The following ATP11A variants were observed in gnomAD, a reference collection of about 807,000 sequenced individuals.
ATP11A encodes the protein phospholipid-transporting ATPase IH.
In ATP11A, 81 loss-of-function variants were observed where a neutral mutation model predicts 154.4. The ratio of observed to expected loss-of-function variants is 0.52; its 90% CI spans 0.44 to 0.63. ATP11A has a LOEUF of 0.63. ATP11A is among the 30% of genes least tolerant of loss of function. The pLI is 0.00. For synonymous variants in ATP11A, 623 were observed against 585.9 expected, an observed-to-expected ratio of 1.06 and a Z score of -0.91; for missense variants, 1,316 against 1,474.3, an observed-to-expected ratio of 0.89 and a Z score of 1.76.
At chr13:112,711,152 C>T (rs1487322959) in intron 1 of ATP11A, among the ~76,000 whole-genome samples, 2 of 152,202 alleles carry the variant, frequency 1.3e-5, no homozygotes, top group African/African-American at 4.8e-5. Context: ...AGCTGGGCCG[C>T]GTGCGGCTCT....
intron 1 of ATP11A, among the ~76,000 whole-genome samples, chr13:112,724,694 C>A (rs1037397942): frequency 6.6e-6 from 1 of 152,198 alleles, no homozygotes; most frequent in East Asian, 1.9e-4. Context: ...GGCCGGCCCC[C>A]CCCCAGGAAG....
chr13:112,738,881 C>CT (rs34295236), intron 1 of ATP11A, among the ~76,000 whole-genome samples: 37,189 of 151,996 alleles, frequency 0.24, 6,076 homozygotes, highest in African/African-American at 0.46. Context: ...CTGGGGCCTG[C>CT]TGTATGTCTT....
At chr13:112,868,692 T>C (rs1314270381) in intron 25 of ATP11A, among the ~76,000 whole-genome samples, 4 of 152,160 alleles carry the variant, frequency 2.6e-5, no homozygotes, top group Non-Finnish European at 5.9e-5. Context: ...CTGATGGAAA[T>C]AACGACCAGC....
chr13:112,853,048 C>G (rs1051747928), intron 18 of ATP11A, among the ~76,000 whole-genome samples: 17 of 151,936 alleles, frequency 1.1e-4, no homozygotes, highest in African/African-American at 3.9e-4. Flanking sequence ...TAGTGAGATC[C>G]CATCTCTTGA....
chr13:112,858,386 A>G (rs1436260688), intron 22 of ATP11A, 96 bp downstream of exon 22: 11 of 1,301,136 alleles, frequency 8.5e-6, no homozygotes, highest in Admixed American at 2.4e-5. Flanking sequence ...ACAAGAGGTC[A>G]TTGATCTCCG....
In ATP11A at chr13:112,884,197, T is replaced by A. The variant is rs1436326941; in HGVS notation, c.*2331T>A. The A allele has an allele frequency of 1.4e-5, 2 of 142,808 alleles. No homozygotes were observed. Among genetic ancestry groups the A allele is most frequent in the Non-Finnish European group, 2.9e-5 (2 of 67,978 alleles). 8.8% of individuals were successfully genotyped at this position (142,808 alleles called of 1,614,324 possible). On this transcript the variant is annotated 3_prime_UTR_variant, in exon 30 of 30. Coordinates refer to ENST00000375645, the MANE Select transcript of ATP11A (RefSeq NM_015205.3). ...TCTTGGTATTTCTGGTGGCAGTGAT[T>A]AGTTGAACAGCACATTTAAGGCACG...
intron 8 of ATP11A, among the ~76,000 whole-genome samples, chr13:112,821,576 A>G (rs954853049): frequency 3.3e-5 from 5 of 152,162 alleles, no homozygotes; most frequent in African/African-American, 9.7e-5. Context: ...CTCCTAGAGT[A>G]TTGGGATTAT....
At chr13:112,823,561 G>A (rs2078856471) in intron 9 of ATP11A, 152 bp downstream of exon 9, 2 of 614,996 alleles carry the variant, frequency 3.3e-6, no homozygotes, top group Middle Eastern at 5.2e-4. Context: ...ACTGAGATTT[G>A]ATCAGTGAAT....
rs942213781 is a variant in ATP11A, at chr13:112,884,989, CAT to C, written c.*3126_*3127del. On this transcript the variant is annotated 3_prime_UTR_variant, in exon 30 of 30. Transcript: ENST00000375645. Reference sequence around the variant, plus strand: ...GGGGGCTTGCACACAGGATCACTCACATATGTACATGTACCCACCACAAACGT... The same window carrying C: ...GGGGGCTTGCACACAGGATCACTCACATGTACATGTACCCACCACAAACGT... 3.3e-5 allele frequency: 5 copies of C among 152,440 alleles called. No homozygotes were observed. Among genetic ancestry groups the C allele is most frequent in the African/African-American group, 1.2e-4 (5 of 41,474 alleles). The allele number at this position is 152,440 out of a possible 1,614,324, so 9.4% of individuals were successfully genotyped here. A position where few individuals can be genotyped will look rare whatever the true frequency, so the allele number is the denominator to read the frequency against.
chr13:112,695,528 C>T (rs918372563), intron 1 of ATP11A, among the ~76,000 whole-genome samples: 13 of 152,178 alleles, frequency 8.5e-5, no homozygotes, highest in Non-Finnish European at 1.6e-4. Context: ...GAACAAGCAT[C>T]TTGAGGTGCT....
At chr13:112,718,731 C>T (rs1332362054) in intron 1 of ATP11A, among the ~76,000 whole-genome samples, 8 of 149,368 alleles carry the variant, frequency 5.4e-5, no homozygotes, top group African/African-American at 1.7e-4. Flanking sequence ...AGGGCAATAG[C>T]ACGATCTTGG....
intron 1 of ATP11A, among the ~76,000 whole-genome samples, chr13:112,741,849 G>GCT (rs1891586546): frequency 6.6e-6 from 1 of 150,944 alleles, no homozygotes; most frequent in Admixed American, 6.6e-5. Flanking sequence ...AGTAAAGAGT[G>GCT]CTCTGCTCCC....
intron 1 of ATP11A, among the ~76,000 whole-genome samples, chr13:112,707,010 G>A (rs1458110661): frequency 6.6e-6 from 1 of 152,172 alleles, no homozygotes; most frequent in Non-Finnish European, 1.5e-5. Context: ...TTTCTTATTC[G>A]AGTTAAGAAT....
At chr13:112,870,189 C>A (rs1455626201) in intron 25 of ATP11A, among the ~76,000 whole-genome samples, 1 of 152,186 alleles carries the variant, frequency 6.6e-6, no homozygotes, top group Admixed American at 6.5e-5. Context: ...TTGATGGGGG[C>A]CCCTAAGAAG....
At position 112,754,918 on chromosome 13, in the gene ATP11A, C is replaced by T. The variant is rs760710859; in HGVS notation, c.40-30217C>T. Among the ~76,000 whole-genome samples, 3 of 152,232 alleles carry T rather than the reference C, an allele frequency of 2.0e-5. No individual in the cohort carries two copies. The highest frequency in any genetic ancestry group is 2.9e-5 in the Non-Finnish European group (2 of 68,046). ...CCTCCTAGACACCCTGCACTTGCCC[C>T]TCCCGAGCGCGTGTGCCTGACCTGC... On this transcript the variant is annotated intron_variant, in intron 1 of 29. Transcript: ENST00000375645. This position sits in a 1 kb window ranked among gnomAD's most constrained non-coding sequence, Gnocchi z 5.3.
chr13:112,826,041 G>GT lies in ATP11A; in HGVS notation c.1023+461_1023+462insT. Among the ~76,000 whole-genome samples the GT allele has an allele frequency of 1.3e-5, 2 of 151,938 alleles. 1 individual carries two copies. Among genetic ancestry groups the GT allele is most frequent in the South Asian group, 4.2e-4 (2 of 4,790 alleles). On this transcript the variant is annotated intron_variant, in intron 11 of 29. Transcript: ENST00000375645. ...TCCACTGACCCTAGAGCAGGGCCAT[G>GT]AACAAACCCAGACCCATATCCACTG...
At chr13:112,860,579 C>A in intron 24 of ATP11A, 165 bp downstream of exon 24, 1 of 740,284 alleles carries the variant, frequency 1.4e-6, no homozygotes, top group Non-Finnish European at 2.2e-6. Flanking sequence ...CTGGAAGCAA[C>A]ATAGCTCAAA....
intron 1 of ATP11A, among the ~76,000 whole-genome samples, chr13:112,751,820 A>G (rs426619): frequency 0.066 from 9,918 of 150,824 alleles, 417 homozygotes; most frequent in African/African-American, 0.091. Flanking sequence ...GCCTGGTTCC[A>G]GTGATTCTCC....
rs547299397 is a variant in ATP11A, at chr13:112,695,259, A to C, written c.39+4804A>C. On this transcript the variant is annotated intron_variant, in intron 1 of 29. Coordinates refer to ENST00000375645, the MANE Select transcript of ATP11A (RefSeq NM_015205.3). The stretch of plus-strand genomic sequence containing the variant: ...AAGTGAATCCTGAGGCATAGAATCC[A>C]AGACTAATAATCTGTCTCCAGCAGT... Among the ~76,000 whole-genome samples, 115 of 152,376 alleles carry C rather than the reference A, an allele frequency of 7.5e-4. 1 individual carries two copies. Among genetic ancestry groups the C allele is most frequent in the Admixed American group, 1.7e-3 (26 of 15,306 alleles).
Sources: allele counts gnomAD v4.1 joint callset (sites outside exome capture counted in the v4.1 genomes callset), GRCh38; gene constraint gnomAD v4.1.1; non-coding constraint Gnocchi (gnomAD v3.1); transcripts MANE v1.5; gene names NCBI Gene and HGNC (gene_info 2026-07-23, HGNC 2026-07-21).